The following IL1RAPL2 variants were observed in gnomAD, a reference collection of about 807,000 sequenced individuals.
IL1RAPL2 encodes X-linked interleukin-1 receptor accessory protein-like 2.
A neutral mutation model predicts 44.1 loss-of-function variants in IL1RAPL2; 3 were observed. That is an observed-to-expected ratio of 0.07 (90% CI 0.03 to 0.18). The LOEUF (loss-of-function observed/expected upper bound fraction) is 0.18, where lower values mean the gene tolerates loss of function less well. IL1RAPL2 is among the 10% of genes least tolerant of loss of function. IL1RAPL2 has a pLI of 1.00. For missense variants in IL1RAPL2, 391 were observed against 496.4 expected, an observed-to-expected ratio of 0.79 and a Z score of 2.02; for synonymous variants, 181 against 178.8, an observed-to-expected ratio of 1.01 and a Z score of -0.10.
Position 105,727,421 on chromosome X carries a change from G to T in IL1RAPL2, c.902+9925G>T, listed in dbSNP as rs945469768. Among the ~76,000 whole-genome samples, 11 of 111,546 alleles carry T rather than the reference G, an allele frequency of 9.9e-5. 1 individual carries two copies. The highest frequency in any genetic ancestry group is 1.9e-4 in the Non-Finnish European group (10 of 53,003). ...ATTTTAGTTTATGATCTTTAGGACA[G>T]CAGGGAGCACCTACATGTAAATATT... On this transcript the variant is annotated intron_variant, in intron 7 of 10. Transcript: ENST00000372582.
intron 5 of IL1RAPL2, among the ~76,000 whole-genome samples, chrX:105,271,675 G>A (rs1435519678): frequency 9.0e-6 from 1 of 110,922 alleles, no homozygotes; most frequent in South Asian, 3.9e-4. Context: ...CCATGAGCAT[G>A]GAATGTTCTT....
intron 1 of IL1RAPL2, among the ~76,000 whole-genome samples, chrX:104,574,295 A>C (rs991687289): frequency 8.9e-6 from 1 of 111,780 alleles, no homozygotes; most frequent in Non-Finnish European, 1.9e-5. Flanking sequence ...TAAATCTCAT[A>C]GAAAAAATGG....
rs190594787 is a variant in IL1RAPL2 at position 105,095,083 on chromosome X, T to A, written c.83-100392T>A. On this transcript the variant is annotated intron_variant, in intron 2 of 10. Transcript: ENST00000372582. Reference sequence around the variant, plus strand: ...TCTGTGGATTCCTGAGTATTTTCTATATACAAGATGTTTCTATATGCAAAT... The same window carrying A: ...TCTGTGGATTCCTGAGTATTTTCTAAATACAAGATGTTTCTATATGCAAAT... Among the ~76,000 whole-genome samples, 751 of 111,944 alleles carry A rather than the reference T, an allele frequency of 6.7e-3. 6 individuals carry two copies. Among genetic ancestry groups the A allele is most frequent in the Non-Finnish European group, 0.012 (616 of 53,134 alleles).
At chrX:104,761,553 CA>C (rs201507595) in intron 2 of IL1RAPL2, among the ~76,000 whole-genome samples, 6,025 of 110,901 alleles carry the variant, frequency 0.054, 440 homozygotes, top group African/African-American at 0.19. Context: ...GCCTGCCCAA[CA>C]GTCCCCCAAA....
chrX:105,595,345 A>G (rs1395460775), intron 6 of IL1RAPL2, among the ~76,000 whole-genome samples: 2 of 111,714 alleles, frequency 1.8e-5, no homozygotes, highest in African/African-American at 6.5e-5. Context: ...AACAATATTA[A>G]ATAAGAATTT....
intron 5 of IL1RAPL2, among the ~76,000 whole-genome samples, chrX:105,447,234 AT>A (rs2035969003): frequency 1.6e-3 from 44 of 28,173 alleles, no homozygotes; most frequent in African/African-American, 8.3e-4. Context: ...ATATAAATAT[AT>A]ATATAAATAT....
chrX:104,951,773 A>G (rs1925592399), intron 2 of IL1RAPL2, among the ~76,000 whole-genome samples: 1 of 112,666 alleles, frequency 8.9e-6, no homozygotes, highest in African/African-American at 3.2e-5. Context: ...TTCAGAGCCT[A>G]CTTTGCAAGG....
chrX:105,484,441 G>T, intron 6 of IL1RAPL2, 54 bp downstream of exon 6: 1 of 813,058 alleles, frequency 1.2e-6, no homozygotes, highest in Admixed American at 2.2e-5. Flanking sequence ...GTTAACAGAT[G>T]GGGAAAATTG....
chrX:105,363,893 A>G (rs778637237), intron 5 of IL1RAPL2, among the ~76,000 whole-genome samples: 30 of 110,984 alleles, frequency 2.7e-4, no homozygotes, highest in Non-Finnish European at 4.7e-4. Context: ...CTCCCAATCC[A>G]TGGGTTATCA....
At position 105,540,873 on chromosome X, in the gene IL1RAPL2, C is replaced by CATACATATATTATATATGATATATA. The variant is rs1569452135; in HGVS notation, c.772+56494_772+56518dup. ...CATATATTATATATGATATATAATA[C>CATACATATATTATATATGATATATA]ATACATATATTATATATGATATATA... On this transcript the variant is annotated intron_variant, in intron 6 of 10. Transcript: ENST00000372582. Among the ~76,000 whole-genome samples the CATACATATATTATATATGATATATA allele has an allele frequency of 2.1e-3, 45 of 21,639 alleles. 2 individuals carry two copies. Among genetic ancestry groups the CATACATATATTATATATGATATATA allele is most frequent in the Non-Finnish European group, 3.0e-3 (39 of 12,805 alleles). 18.8% of individuals were successfully genotyped at this position (21,639 alleles called of 115,157 possible). A position where few individuals can be genotyped will look rare whatever the true frequency, so the allele number is the denominator to read the frequency against.
chrX:105,058,117 T>C (rs1311126578), intron 2 of IL1RAPL2, among the ~76,000 whole-genome samples: 1 of 110,195 alleles, frequency 9.1e-6, no homozygotes, highest in East Asian at 2.9e-4. Context: ...CCCGGCTATT[T>C]TTTTTTTGTA....
chrX:104,677,827 G>C (rs900889990), intron 2 of IL1RAPL2, among the ~76,000 whole-genome samples: 1 of 112,146 alleles, frequency 8.9e-6, no homozygotes, highest in African/African-American at 3.2e-5. Flanking sequence ...CGTCGGAAAA[G>C]CGCGGTATTC....
chrX:105,060,585 C>CTTTTTTTTTTTTTTTTTT (rs1161187469), intron 2 of IL1RAPL2, among the ~76,000 whole-genome samples: 20 of 70,113 alleles, frequency 2.9e-4, no homozygotes, highest in South Asian at 6.5e-4. Context: ...TTTTCTTTTT[C>CTTTTTTTTTTTTTTTTTT]TTTTTTTTTT....
intron 6 of IL1RAPL2, among the ~76,000 whole-genome samples, chrX:105,564,972 C>T (rs1200903271): frequency 4.4e-5 from 5 of 112,526 alleles, no homozygotes; most frequent in African/African-American, 1.6e-4. Flanking sequence ...TTTGGTGGCT[C>T]CCTGCAAAGG....
intron 1 of IL1RAPL2, among the ~76,000 whole-genome samples, chrX:104,657,568 G>A (rs943770084): frequency 1.8e-5 from 2 of 111,644 alleles, no homozygotes; most frequent in Non-Finnish European, 3.8e-5. Flanking sequence ...CATGGGCAAG[G>A]ACTTCATGAC....
At chrX:105,567,171 T>G (rs2036980815) in intron 6 of IL1RAPL2, among the ~76,000 whole-genome samples, 1 of 111,745 alleles carries the variant, frequency 8.9e-6, no homozygotes, top group South Asian at 3.7e-4. Flanking sequence ...ACTTAGAACA[T>G]ACTTGTTTAT....
intron 5 of IL1RAPL2, among the ~76,000 whole-genome samples, chrX:105,482,197 A>C (rs1157988315): frequency 8.9e-6 from 1 of 112,093 alleles, no homozygotes; most frequent in African/African-American, 3.2e-5. Flanking sequence ...CTACTATTAG[A>C]AATTGAGGTT....
At position 105,360,866 on chromosome X, in the gene IL1RAPL2, A is replaced by T. The variant is rs752979274; in HGVS notation, c.697+93325A>T. The stretch of plus-strand genomic sequence containing the variant: ...CCCTGTAGAGCAGATTTGGAATGTG[A>T]TGAAAGAGGGAACAGGACCAATGGG... On this transcript the variant is annotated intron_variant, in intron 5 of 10. Coordinates refer to ENST00000372582, the MANE Select transcript of IL1RAPL2 (RefSeq NM_017416.2). Among the ~76,000 whole-genome samples the T allele has an allele frequency of 4.5e-5, 5 of 111,778 alleles. No homozygotes were observed. The South Asian group carries it at 1.9e-3, about 42-fold the overall frequency.
chrX:104,671,282 CCA>C (rs1201054638), intron 2 of IL1RAPL2, among the ~76,000 whole-genome samples: 3 of 110,748 alleles, frequency 2.7e-5, no homozygotes, highest in African/African-American at 9.9e-5. Context: ...GTACCCCTTG[CCA>C]CACACCTCTT....
Sources: allele counts gnomAD v4.1 joint callset (sites outside exome capture counted in the v4.1 genomes callset), GRCh38; gene constraint gnomAD v4.1.1; transcripts MANE v1.5; gene names NCBI Gene and HGNC (gene_info 2026-07-23, HGNC 2026-07-21).